RORA: variants seen among roughly 807,000 people sequenced by gnomAD.
RORA encodes the protein nuclear receptor ROR-alpha.
RORA carries 7 observed loss-of-function variants against 69.5 expected under a neutral mutation model. The observed-to-expected ratio is 0.10, with a 90% CI of 0.06 to 0.19. RORA has a LOEUF of 0.19. Among genes scored for constraint, RORA ranks in the 10% least tolerant of loss-of-function variants. The pLI is 1.00. For missense variants in RORA, 457 were observed against 663.0 expected (o/e 0.69, Z 3.41); for synonymous variants, 261 against 240.8 (o/e 1.08, Z -0.78).
intron 1 of RORA, among the ~76,000 whole-genome samples, chr15:60,913,726 A>G (rs1433205880): frequency 1.3e-5 from 2 of 152,226 alleles, no homozygotes; most frequent in African/African-American, 4.8e-5. Context: ...TGACTATAGA[A>G]TCTGCTTAAA....
At chr15:60,997,720 T>A (rs960771482) in intron 1 of RORA, among the ~76,000 whole-genome samples, 8 of 152,120 alleles carry the variant, frequency 5.3e-5, no homozygotes, top group African/African-American at 1.9e-4. Context: ...CATCTACCCA[T>A]CTCTACAATA....
At chr15:60,794,467 T>C (rs2072463284) in intron 1 of RORA, among the ~76,000 whole-genome samples, 1 of 152,210 alleles carries the variant, frequency 6.6e-6, no homozygotes, top group Non-Finnish European at 1.5e-5. Flanking sequence ...CCATTACACC[T>C]GTGTGTATGC....
chr15:61,184,594 A>G (rs535400138), intron 1 of RORA, among the ~76,000 whole-genome samples: 4 of 152,302 alleles, frequency 2.6e-5, no homozygotes, highest in South Asian at 2.1e-4. Flanking sequence ...TGAGAGAAGT[A>G]ACTTTGCTTT....
In RORA at chr15:61,061,796, T is replaced by C. The variant is rs908165990; in HGVS notation, c.166+167257A>G. ...ATGTTAGTAAGGCCGGGCACGGTGG[T>C]TCACGCCTGTAACCCCAGCACTTTG... On this transcript the variant is annotated intron_variant, in intron 1 of 10. Transcript: ENST00000335670. This position sits in a 1 kb window ranked among gnomAD's most constrained non-coding sequence, Gnocchi z 4.4. Among the ~76,000 whole-genome samples, 9 of 152,168 alleles carry C rather than the reference T, an allele frequency of 5.9e-5. No homozygotes were observed. Among genetic ancestry groups the C allele is most frequent in the South Asian group, 2.1e-4 (1 of 4,822 alleles).
chr15:61,141,872 T>C (rs1200556329), intron 1 of RORA, among the ~76,000 whole-genome samples: 1 of 149,348 alleles, frequency 6.7e-6, no homozygotes, highest in African/African-American at 2.5e-5. Context: ...AACACCTCAT[T>C]AGCAAAGAGC....
At chr15:61,127,105 C>T (rs915419731) in intron 1 of RORA, among the ~76,000 whole-genome samples, 1 of 152,126 alleles carries the variant, frequency 6.6e-6, no homozygotes, top group Admixed American at 6.5e-5. Context: ...AGGAAAGATC[C>T]AGCAGGGGAC....
chr15:60,648,700 C>T (rs1011350770), intron 2 of RORA, among the ~76,000 whole-genome samples: 25 of 152,284 alleles, frequency 1.6e-4, no homozygotes, highest in Admixed American at 6.5e-4. Context: ...ATATACCTCA[C>T]GGAGGGGGTC....
At chr15:61,016,334 C>T (rs1389836799) in intron 1 of RORA, among the ~76,000 whole-genome samples, 1 of 152,208 alleles carries the variant, frequency 6.6e-6, no homozygotes, top group African/African-American at 2.4e-5. Context: ...TTGCCGTCAT[C>T]ATTGCTTCTG....
intron 2 of RORA, among the ~76,000 whole-genome samples, chr15:60,618,609 A>G (rs567427590): frequency 6.6e-6 from 1 of 152,246 alleles, no homozygotes; most frequent in African/African-American, 2.4e-5. Context: ...CAGGAGCTTT[A>G]TAAGAGGCAG....
At chr15:60,969,990 A>G (rs906216271) in intron 1 of RORA, among the ~76,000 whole-genome samples, 1 of 152,078 alleles carries the variant, frequency 6.6e-6, no homozygotes, top group Non-Finnish European at 1.5e-5. Flanking sequence ...ATGTATGTGC[A>G]CTCTTGCACG....
chr15:60,668,358 T>C (rs1397245911), intron 2 of RORA, among the ~76,000 whole-genome samples: 1 of 152,180 alleles, frequency 6.6e-6, no homozygotes, highest in Non-Finnish European at 1.5e-5. Flanking sequence ...CCCTAGACAG[T>C]TGTCTCTAAG....
At chr15:60,952,403 C>G (rs1893136593) in intron 1 of RORA, among the ~76,000 whole-genome samples, 1 of 152,046 alleles carries the variant, frequency 6.6e-6, no homozygotes, top group African/African-American at 2.4e-5. Flanking sequence ...CCCTCTCTCA[C>G]CACTCCTATT....
Position 60,905,402 on chromosome 15 carries a change from T to A in RORA, c.167-226716A>T, listed in dbSNP as rs1216167492. On this transcript the variant is annotated intron_variant, in intron 1 of 10. Transcript: ENST00000335670. This position sits in a 1 kb window ranked among gnomAD's most constrained non-coding sequence, Gnocchi z 4.8. ...AGCTCATTAGATCAACTTTTTTTTC[T>A]GTGTATTTTTTTTTCTTTTTAAACA... Among the ~76,000 whole-genome samples the A allele has an allele frequency of 2.0e-5, 3 of 152,228 alleles. No individual in the cohort carries two copies. Among genetic ancestry groups the A allele is most frequent in the Non-Finnish European group, 4.4e-5 (3 of 68,046 alleles).
intron 2 of RORA, among the ~76,000 whole-genome samples, chr15:60,602,670 T>C (rs1014172763): frequency 2.0e-5 from 3 of 152,220 alleles, no homozygotes; most frequent in African/African-American, 7.2e-5. Flanking sequence ...AGAACTACTG[T>C]AAAACATATA....
At chr15:60,556,936 G>C in intron 2 of RORA, 1 of 1,609,172 alleles carries the variant, frequency 6.2e-7, no homozygotes, top group Non-Finnish European at 8.5e-7. Context: ...ACACTTGTTT[G>C]TCCACCCCAA....
chr15:60,839,431 C>T (rs1463824429), intron 1 of RORA, among the ~76,000 whole-genome samples: 1 of 151,980 alleles, frequency 6.6e-6, no homozygotes, highest in East Asian at 1.9e-4. Flanking sequence ...CTTTTAATGG[C>T]AAAAAACGAA....
chr15:60,691,905 T>A (rs993890427), intron 1 of RORA, among the ~76,000 whole-genome samples: 4 of 152,176 alleles, frequency 2.6e-5, no homozygotes, highest in African/African-American at 9.7e-5. Context: ...TCTGGGATAA[T>A]AAAGAATCTG....
intron 1 of RORA, among the ~76,000 whole-genome samples, chr15:60,795,483 G>C (rs1367573619): frequency 6.6e-6 from 1 of 152,202 alleles, no homozygotes; most frequent in Non-Finnish European, 1.5e-5. Context: ...GTTTAGACTG[G>C]AAGCTCCCTG....
chr15:60,527,152 T>C (rs1316734026), intron 3 of RORA, among the ~76,000 whole-genome samples: 1 of 152,182 alleles, frequency 6.6e-6, no homozygotes, highest in Non-Finnish European at 1.5e-5. Context: ...AGAAACCAAT[T>C]CACTAACCCC....
Sources: allele counts gnomAD v4.1 joint callset (sites outside exome capture counted in the v4.1 genomes callset), GRCh38; gene constraint gnomAD v4.1.1; non-coding constraint Gnocchi (gnomAD v3.1); transcripts MANE v1.5; gene names NCBI Gene and HGNC (gene_info 2026-07-23, HGNC 2026-07-21).